The following GALNTL6 variants were observed in gnomAD, a reference collection of about 807,000 sequenced individuals.
The protein encoded by GALNTL6 is polypeptide N-acetylgalactosaminyltransferase like 6.
Under a neutral mutation model 73.7 loss-of-function variants are expected in GALNTL6, and 46 were observed. The ratio of observed to expected loss-of-function variants is 0.62; its 90% confidence interval spans 0.49 to 0.80. The LOEUF (loss-of-function observed/expected upper bound fraction) is 0.80, where lower values mean the gene tolerates loss of function less well. Among genes scored for constraint, GALNTL6 ranks in the 30% least tolerant of loss-of-function variants. The pLI, the probability that GALNTL6 is intolerant of heterozygous loss-of-function variation, is 0.00. For synonymous variants in GALNTL6, 259 were observed against 263.7 expected, an observed-to-expected ratio of 0.98 and a Z score of 0.17; for missense variants, 604 against 755.0, an observed-to-expected ratio of 0.80 and a Z score of 2.34.
chr4:172,315,016 A>T (rs545137138), intron 4 of GALNTL6, among the ~76,000 whole-genome samples: 75 of 152,322 alleles, frequency 4.9e-4, no homozygotes, highest in South Asian at 1.9e-3. Context: ...GATTTCCTTA[A>T]GTAGGAGCCA....
At chr4:171,846,826 C>A in intron 2 of GALNTL6, among the ~76,000 whole-genome samples, 1 of 146,024 alleles carries the variant, frequency 6.8e-6, no homozygotes, top group Non-Finnish European at 1.5e-5. Context: ...ATGTATCTAT[C>A]TATAGATACA....
rs547747455 is a variant in GALNTL6 at position 172,510,388 on chromosome 4, T to A, written c.553+161699T>A. Among the ~76,000 whole-genome samples the A allele has an allele frequency of 2.6e-3, 143 of 54,728 alleles. 57 individuals carry two copies. The highest frequency in any genetic ancestry group is 6.1e-3 in the African/African-American group (134 of 21,952). The allele number at this position is 54,728 out of a possible 152,430, so 35.9% of individuals were successfully genotyped here. On this transcript the variant is annotated intron_variant, in intron 5 of 12. Transcript: ENST00000506823. ...AGGTATACGATCTTCTACTCCATGATCAGTGACAGTTTGATTTCTTCTTTG... is the reference window on the plus strand; with the variant it reads ...AGGTATACGATCTTCTACTCCATGAACAGTGACAGTTTGATTTCTTCTTTG...
chr4:171,905,767 A>G (rs903020388), intron 2 of GALNTL6, among the ~76,000 whole-genome samples: 5 of 151,762 alleles, frequency 3.3e-5, no homozygotes, highest in African/African-American at 1.2e-4. Context: ...AGCAAATATA[A>G]AAGAACAGAA....
At chr4:172,690,320 T>C (rs1272729880) in intron 5 of GALNTL6, among the ~76,000 whole-genome samples, 3 of 152,206 alleles carry the variant, frequency 2.0e-5, no homozygotes, top group Non-Finnish European at 4.4e-5. Context: ...AAAATTCTTA[T>C]TCTGATATTT....
At chr4:172,708,388 C>T (rs900719113) in intron 5 of GALNTL6, among the ~76,000 whole-genome samples, 1 of 152,160 alleles carries the variant, frequency 6.6e-6, no homozygotes, top group African/African-American at 2.4e-5. Context: ...GTTTGTAGTA[C>T]AGGTGTCATC....
At chr4:171,863,362 A>G (rs1441718734) in intron 2 of GALNTL6, among the ~76,000 whole-genome samples, 1 of 152,162 alleles carries the variant, frequency 6.6e-6, no homozygotes, top group African/African-American at 2.4e-5. Flanking sequence ...CTATTATTTC[A>G]TATGGAGAGA....
intron 2 of GALNTL6, among the ~76,000 whole-genome samples, chr4:172,081,390 A>G (rs936898580): frequency 6.6e-5 from 10 of 152,246 alleles, no homozygotes; most frequent in African/African-American, 2.4e-4. Context: ...CTAGAATCCC[A>G]GCACTTTGGG....
At chr4:172,308,617 A>C (rs764628149) in intron 3 of GALNTL6, among the ~76,000 whole-genome samples, 6 of 152,058 alleles carry the variant, frequency 3.9e-5, no homozygotes, top group Non-Finnish European at 7.4e-5. Context: ...AGTTCTGTGT[A>C]TGTGGTGTAT....
intron 5 of GALNTL6, among the ~76,000 whole-genome samples, chr4:172,485,739 G>C (rs1237870964): frequency 1.3e-5 from 2 of 152,008 alleles, no homozygotes; most frequent in African/African-American, 2.4e-5. Flanking sequence ...TATGTCCTGG[G>C]GCATTGTTTT....
chr4:172,488,604 G>A (rs953879154), intron 5 of GALNTL6, among the ~76,000 whole-genome samples: 2 of 152,058 alleles, frequency 1.3e-5, no homozygotes, highest in Non-Finnish European at 2.9e-5. Context: ...GAAGCTGCAT[G>A]GCCTTCATTT....
chr4:172,726,457 A>G (rs185878133), intron 5 of GALNTL6, among the ~76,000 whole-genome samples: 2 of 152,318 alleles, frequency 1.3e-5, no homozygotes, highest in Admixed American at 1.3e-4. Flanking sequence ...TCCTGCAAGG[A>G]GAGCTTGGCT....
chr4:172,367,310 G>A (rs1742602249), intron 5 of GALNTL6, among the ~76,000 whole-genome samples: 1 of 152,192 alleles, frequency 6.6e-6, no homozygotes, highest in Admixed American at 6.5e-5. Context: ...GGTGGAAGCA[G>A]TTTCATTTCC....
chr4:172,556,744 CAAA>C (rs111334750), intron 5 of GALNTL6, among the ~76,000 whole-genome samples: 6 of 119,754 alleles, frequency 5.0e-5, no homozygotes, highest in Non-Finnish European at 1.1e-4. Flanking sequence ...AGACCCACAC[CAAA>C]AAAAAAAAAA....
intron 5 of GALNTL6, among the ~76,000 whole-genome samples, chr4:172,678,350 A>T (rs1207663806): frequency 1.3e-5 from 2 of 148,836 alleles, no homozygotes; most frequent in African/African-American, 2.5e-5. Context: ...ACTAATTACT[A>T]TTTTTTTTTT....
At chr4:171,983,323 G>A (rs1739965636) in intron 2 of GALNTL6, among the ~76,000 whole-genome samples, 1 of 152,060 alleles carries the variant, frequency 6.6e-6, no homozygotes, top group Non-Finnish European at 1.5e-5. Context: ...TCCAGAACTA[G>A]TTTGCTCTAT....
At chr4:172,033,816 T>A (rs2110825549) in intron 2 of GALNTL6, among the ~76,000 whole-genome samples, 1 of 152,170 alleles carries the variant, frequency 6.6e-6, no homozygotes, top group Non-Finnish European at 1.5e-5. Context: ...ACACAAAATA[T>A]CTAGACCCTT....
At chr4:172,157,539 A>G (rs1734323417) in intron 2 of GALNTL6, among the ~76,000 whole-genome samples, 1 of 152,194 alleles carries the variant, frequency 6.6e-6, no homozygotes, top group African/African-American at 2.4e-5. Flanking sequence ...ATAGTAATTT[A>G]TTTATGAATA....
chr4:172,995,259 G>A (rs562793142), intron 10 of GALNTL6, among the ~76,000 whole-genome samples: 9 of 147,362 alleles, frequency 6.1e-5, no homozygotes, highest in Non-Finnish European at 1.1e-4. Flanking sequence ...TGCTTACCCC[G>A]CACAGTGTGG....
intron 7 of GALNTL6, among the ~76,000 whole-genome samples, chr4:172,830,093 G>C (rs917854020): frequency 1.3e-5 from 2 of 151,978 alleles, no homozygotes; most frequent in African/African-American, 4.8e-5. Context: ...ACATAATATA[G>C]TGAATTTAAA....
Sources: allele counts gnomAD v4.1 joint callset (sites outside exome capture counted in the v4.1 genomes callset), GRCh38; gene constraint gnomAD v4.1.1; transcripts MANE v1.5; gene names NCBI Gene and HGNC (gene_info 2026-07-23, HGNC 2026-07-21).